Variants in REV3L observed in about 807,000 individuals in gnomAD.
REV3L encodes REV3 like, DNA directed polymerase zeta catalytic subunit.
REV3L carries 69 observed loss-of-function variants against 299.4 expected under a neutral mutation model. The observed-to-expected ratio is 0.23, with a 90% CI of 0.19 to 0.28. The LOEUF is 0.28. Ranked by LOEUF, REV3L falls within the 10% of genes least tolerant of loss-of-function variation. The pLI is 1.00. For missense variants in REV3L, 3,128 were observed against 3,693.8 expected, an observed-to-expected ratio of 0.85 and a Z score of 3.97; for synonymous variants, 1,238 against 1,271.4, an observed-to-expected ratio of 0.97 and a Z score of 0.56.
chr6:111,349,306 T>C lies in REV3L; in HGVS notation c.7331A>G (p.Glu2444Gly), dbSNP rs749719847. 4 of 1,600,932 alleles carry C rather than the reference T, an allele frequency of 2.5e-6. No individual in the cohort carries two copies. Among genetic ancestry groups the C allele is most frequent in the Non-Finnish European group, 3.4e-6 (4 of 1,171,556 alleles). ...DDKIENRFAA[E>G]RDEYGSYTMS... ...TGTATATGATCCATACTCATCTCTTTCAGCTGCAAATCTGTTCTCAATTTT... is the reference window on the plus strand; with the variant it reads ...TGTATATGATCCATACTCATCTCTTCCAGCTGCAAATCTGTTCTCAATTTT... Residue 2444 changes from glutamate to glycine, a missense_variant, in exon 20 of 32, where the codon GAA becomes GGA. By Grantham distance (98) the Glu-to-Gly change is moderately conservative (BLOSUM62 -2). This residue lies in a region of REV3L where 50 missense variants were observed against 48.2 expected (regional missense o/e 1.04). Coordinates refer to ENST00000368802, the MANE Select transcript of REV3L (RefSeq NM_001372078.1).
intron 31 of REV3L, among the ~76,000 whole-genome samples, chr6:111,306,610 G>A (rs1483603387): frequency 6.6e-6 from 1 of 152,160 alleles, no homozygotes; most frequent in Non-Finnish European, 1.5e-5. Flanking sequence ...CCACTTAGCA[G>A]TGTAACATGC....
At chr6:111,406,832 A>C (rs894954008) in intron 3 of REV3L, among the ~76,000 whole-genome samples, 8 of 152,230 alleles carry the variant, frequency 5.3e-5, no homozygotes, top group African/African-American at 1.9e-4. Context: ...AGAAAATAAT[A>C]ATCATTTTAT....
At chr6:111,341,479 C>G (rs76620867) in intron 21 of REV3L, among the ~76,000 whole-genome samples, 5,441 of 152,224 alleles carry the variant, frequency 0.036, 324 homozygotes, top group African/African-American at 0.12. Flanking sequence ...AGCAGTTTCC[C>G]CAAATATTAT....
chr6:111,400,461 T>A (rs1582849263), intron 4 of REV3L, among the ~76,000 whole-genome samples: 1 of 152,226 alleles, frequency 6.6e-6, no homozygotes, highest in Non-Finnish European at 1.5e-5. Flanking sequence ...GTAGTTTTAA[T>A]CTGTATTTCC....
intron 1 of REV3L, among the ~76,000 whole-genome samples, chr6:111,437,254 T>G (rs767968173): frequency 6.6e-6 from 1 of 152,106 alleles, no homozygotes; most frequent in East Asian, 1.9e-4. Flanking sequence ...CTAAGAGAAA[T>G]GAAAATACAT....
At chr6:111,300,225 T>C in intron 31 of REV3L, 69 bp from the exon 32 acceptor site, 2 of 1,263,418 alleles carry the variant, frequency 1.6e-6, no homozygotes, top group Middle Eastern at 1.9e-4. Context: ...CAACAAATTT[T>C]TATAATCCCT....
chr6:111,418,863 G>A (rs1430582931), intron 1 of REV3L, among the ~76,000 whole-genome samples: 2 of 152,054 alleles, frequency 1.3e-5, no homozygotes, highest in Non-Finnish European at 2.9e-5. Flanking sequence ...AAAACACATG[G>A]TATGTGCTTA....
chr6:111,370,070 A>T (rs1204931380), intron 13 of REV3L, among the ~76,000 whole-genome samples: 1 of 152,156 alleles, frequency 6.6e-6, no homozygotes, highest in African/African-American at 2.4e-5. Context: ...TGACCTTGTG[A>T]TCTGCCCACC....
intron 1 of REV3L, among the ~76,000 whole-genome samples, chr6:111,480,834 TTTTG>T (rs1266481100): frequency 2.1e-5 from 3 of 146,316 alleles, no homozygotes; most frequent in East Asian, 1.9e-4. Flanking sequence ...GTTTTTTCGT[TTTTG>T]TTTTTTTTTT....
chr6:111,350,834 C>A (rs1777509362), intron 19 of REV3L, among the ~76,000 whole-genome samples: 1 of 151,866 alleles, frequency 6.6e-6, no homozygotes, highest in Non-Finnish European at 1.5e-5. Flanking sequence ...AGCAAGCCTC[C>A]CACCTTGGCC....
intron 25 of REV3L, among the ~76,000 whole-genome samples, chr6:111,329,169 G>C (rs1191843355): frequency 6.6e-6 from 1 of 152,036 alleles, no homozygotes; most frequent in Non-Finnish European, 1.5e-5. Flanking sequence ...TCGGCCTCTT[G>C]AGTAACTGGG....
At chr6:111,338,311 CCTTTTTTTTTTTTTTTTTTT>C (rs1776124029) in intron 21 of REV3L, among the ~76,000 whole-genome samples, 5 of 49,034 alleles carry the variant, frequency 1.0e-4, no homozygotes, top group Admixed American at 4.6e-4. Flanking sequence ...AGTCTAAAGT[CCTTTTTTTTTTTTTTTTTTT>C]TTTTTTTTTT....
chr6:111,465,839 A>G (rs904550012), intron 1 of REV3L, among the ~76,000 whole-genome samples: 1 of 151,996 alleles, frequency 6.6e-6, no homozygotes, highest in Non-Finnish European at 1.5e-5. Context: ...ATGAAAAACG[A>G]TTTATACAAT....
At position 111,367,487 on chromosome 6, in the gene REV3L, T is replaced by C. The variant is rs755247905; in HGVS notation, c.6301A>G (p.Ser2101Gly). ...SQMLPPVASA[S>G]DPEKDEDDDD... ...TCATCTTCATCTTTTTCGGGATCAC[T>C]TGCAGAGGCAACTGGTGGCAGCATC... Residue 2101 changes from serine (S) to glycine (G), a missense_variant, in exon 14 of 32, where the codon AGT becomes GGT. Physicochemically the swap from Ser to Gly is moderately conservative, Grantham distance 56. This residue lies in a region of REV3L where 2,409 missense variants were observed against 2,611.8 expected (regional missense o/e 0.92). Transcript: ENST00000368802. 3.7e-6 allele frequency: 6 copies of C among 1,609,458 alleles called. No individual in the cohort carries two copies. In the East Asian group the frequency reaches 1.3e-4, roughly 36 times the overall value.
At chr6:111,346,971 C>G (rs240991) in intron 20 of REV3L, among the ~76,000 whole-genome samples, 81,624 of 152,016 alleles carry the variant, frequency 0.54, 26,158 homozygotes, top group Non-Finnish European at 0.73. Context: ...TCAGACTATA[C>G]ATTAAAATAT....
chr6:111,308,858 TTA>T (rs1407769428), intron 30 of REV3L, among the ~76,000 whole-genome samples: 3 of 152,240 alleles, frequency 2.0e-5, no homozygotes, highest in Non-Finnish European at 4.4e-5. Context: ...CTTAAAACGT[TTA>T]TCTTTTAGGA....
At position 111,309,913 on chromosome 6, in the gene REV3L, C is replaced by G; in HGVS notation, c.8982G>C (p.Leu2994Phe). The G allele has an allele frequency of 6.2e-7, 1 of 1,613,996 alleles. No homozygotes were observed. The highest frequency in any genetic ancestry group is 8.5e-7 in the Non-Finnish European group (1 of 1,179,944). Residue 2994 changes from leucine to phenylalanine, a missense_variant, in exon 30 of 32, where the codon TTG (leucine) becomes TTC (phenylalanine). Physicochemically the swap from Leu to Phe is conservative, Grantham distance 22. Around this residue, in one of 9 missense-constraint regions of REV3L, gnomAD observed 294 missense variants for 377.0 expected, o/e 0.78. Coordinates refer to ENST00000368802, the MANE Select transcript of REV3L (RefSeq NM_001372078.1). ...TACCAATAAGTGAGAAGATTCTTGC[C>G]AAGGGTGGAAGGATTTGCTTGGTAA... ...YYITKQILPP[L>F]ARIFSLIGID... is the part of the protein sequence containing the mutation.
intron 13 of REV3L, among the ~76,000 whole-genome samples, chr6:111,369,527 T>G (rs77549436): frequency 0.11 from 16,309 of 151,972 alleles, 1,146 homozygotes; most frequent in Middle Eastern, 0.2. Flanking sequence ...ATAATATCTA[T>G]AGTGGCAAAA....
At chr6:111,477,097 T>C (rs1394970364) in intron 1 of REV3L, among the ~76,000 whole-genome samples, 2 of 152,220 alleles carry the variant, frequency 1.3e-5, no homozygotes, top group Non-Finnish European at 1.5e-5. Context: ...GACAGCACTT[T>C]CCCATGTTAT....
Sources: allele counts gnomAD v4.1 joint callset (sites outside exome capture counted in the v4.1 genomes callset), GRCh38; gene constraint gnomAD v4.1.1; regional missense constraint gnomAD v4.1.1; transcripts MANE v1.5; gene names NCBI Gene and HGNC (gene_info 2026-07-23, HGNC 2026-07-21).